Variants in MAGED1 observed in about 807,000 individuals in gnomAD.
MAGED1 encodes MAGE family member D1, also known as melanoma-associated antigen D1.
A neutral mutation model predicts 54.1 loss-of-function variants in MAGED1; 3 were observed. That is an observed-to-expected ratio of 0.06 (90% CI 0.03 to 0.14). The LOEUF is 0.14. Among genes scored for constraint, MAGED1 ranks in the 10% least tolerant of loss-of-function variants. The probability of loss-of-function intolerance (pLI) is 1.00; values close to 1 mark genes in which losing one functional copy is unlikely to be tolerated. For missense variants in MAGED1, 485 were observed against 623.4 expected (o/e 0.78, Z 2.36); for synonymous variants, 217 against 227.3 (o/e 0.95, Z 0.41).
intron 1 of MAGED1, among the ~76,000 whole-genome samples, chrX:51,844,096 A>C (rs1365987625): frequency 2.7e-5 from 3 of 111,738 alleles, no homozygotes; most frequent in African/African-American, 9.8e-5. Context: ...GCACAGAAGG[A>C]AATAAGGAAC....
chrX:51,890,875 T>C (rs782054700), upstream of MAGED1, among the ~76,000 whole-genome samples: 6 of 107,561 alleles, frequency 5.6e-5, no homozygotes, highest in South Asian at 2.1e-3. Flanking sequence ...AGTATGTCAG[T>C]CTTACTCCTG....
rs34476955 is a variant in MAGED1 at position 51,873,534 on chromosome X, T to TGA, written c.-36-20710_-36-20709dup. 8.2e-3 allele frequency among the ~76,000 whole-genome samples: 742 copies of TGA among 89,997 alleles called. 3 individuals are homozygous for TGA. The highest frequency in any genetic ancestry group is 0.046 in the Middle Eastern group (8 of 173). The allele number at this position is 89,997 out of a possible 115,157, so 78.2% of individuals were successfully genotyped here. On this transcript the variant is annotated intron_variant, in intron 1 of 12. Transcript: ENST00000375772. ...TAGACTGTGTGTGTGTGTGTGTGTG[T>TGA]GAGAGAGAGAGAGAGAGAGAGAGAG...
At chrX:51,897,118 CTCTTT>C (rs368149918) in intron 4 of MAGED1, 41 bp downstream of exon 4, 50 of 1,199,851 alleles carry the variant, frequency 4.2e-5, no homozygotes, top group African/African-American at 1.7e-4. Flanking sequence ...CCCTCTCTTG[CTCTTT>C]TCTTTGTCAT....
At chrX:51,841,457 A>G (rs1166888417) in intron 1 of MAGED1, among the ~76,000 whole-genome samples, 1 of 110,431 alleles carries the variant, frequency 9.1e-6, no homozygotes, top group Admixed American at 9.6e-5. Flanking sequence ...CCATTTGTCA[A>G]TTTTGGCTTT....
chrX:51,821,463 T>C (rs1271452584), intron 1 of MAGED1, among the ~76,000 whole-genome samples: 1 of 111,326 alleles, frequency 9.0e-6, no homozygotes, highest in Non-Finnish European at 1.9e-5. Context: ...CAATCTCTGC[T>C]CACTGCAGCC....
intron 1 of MAGED1, among the ~76,000 whole-genome samples, chrX:51,872,024 A>T (rs1221433866): frequency 1.8e-5 from 2 of 112,196 alleles, no homozygotes; most frequent in African/African-American, 6.5e-5. Context: ...TCTGATGGCC[A>T]GTGATGATGA....
At chrX:51,881,841 ATTCT>A (rs1928068761) in intron 1 of MAGED1, among the ~76,000 whole-genome samples, 1 of 110,847 alleles carries the variant, frequency 9.0e-6, no homozygotes. Context: ...TTCCTATTAT[ATTCT>A]TTCTTCTTTT....
chrX:51,885,316 T>C (rs1355241609), intron 1 of MAGED1, among the ~76,000 whole-genome samples: 1 of 112,356 alleles, frequency 8.9e-6, no homozygotes, highest in African/African-American at 3.2e-5. Context: ...ATTTCTCTAA[T>C]GACTAGTGAT....
intron 1 of MAGED1, among the ~76,000 whole-genome samples, chrX:51,830,961 A>C (rs1349810784): frequency 8.9e-6 from 1 of 111,799 alleles, no homozygotes; most frequent in Non-Finnish European, 1.9e-5. Context: ...TCCCTGGTTC[A>C]AGAGATTCTC....
At chrX:51,885,423 C>T (rs1297822781) in intron 1 of MAGED1, among the ~76,000 whole-genome samples, 2 of 110,936 alleles carry the variant, frequency 1.8e-5, no homozygotes, top group African/African-American at 3.3e-5. Context: ...GGAGTATTTG[C>T]GGAGTGTGTA....
At chrX:51,900,554 C>A (rs1181863322) in intron 11 of MAGED1, among the ~76,000 whole-genome samples, 1 of 110,612 alleles carries the variant, frequency 9.0e-6, no homozygotes, top group African/African-American at 3.3e-5. Context: ...CCCAACTTTA[C>A]TAAATTATAA....
At chrX:51,873,534 TGAGAGAGA>T (rs34476955) in intron 1 of MAGED1, among the ~76,000 whole-genome samples, 16 of 90,567 alleles carry the variant, frequency 1.8e-4, no homozygotes, top group African/African-American at 5.8e-4. Flanking sequence ...TGTGTGTGTG[TGAGAGAGA>T]GAGAGAGAGA....
chrX:51,877,008 T>C (rs1370277111), intron 1 of MAGED1, among the ~76,000 whole-genome samples: 1 of 111,322 alleles, frequency 9.0e-6, no homozygotes, highest in Non-Finnish European at 1.9e-5. Flanking sequence ...AGGCTCTAAA[T>C]ATACGTTTCT....
chrX:51,852,202 G>A (rs1557359822), intron 1 of MAGED1, among the ~76,000 whole-genome samples: 1 of 111,451 alleles, frequency 9.0e-6, no homozygotes, highest in Admixed American at 9.5e-5. Context: ...ACTCTGACCT[G>A]CTCCCGTTGC....
At chrX:51,804,708 A>T (rs1488063787) in intron 1 of MAGED1, among the ~76,000 whole-genome samples, 1 of 111,238 alleles carries the variant, frequency 9.0e-6, no homozygotes, top group Non-Finnish European at 1.9e-5. Context: ...ATACATGAAG[A>T]AATAAAAAAG....
intron 1 of MAGED1, among the ~76,000 whole-genome samples, chrX:51,841,472 G>C (rs1488551622): frequency 9.0e-6 from 1 of 110,694 alleles, no homozygotes; most frequent in Non-Finnish European, 1.9e-5. Context: ...GGCTTTTGTT[G>C]CCATTGCTTT....
At chrX:51,817,580 A>G (rs1183753136) in intron 1 of MAGED1, among the ~76,000 whole-genome samples, 1 of 111,934 alleles carries the variant, frequency 8.9e-6, no homozygotes, top group Non-Finnish European at 1.9e-5. Flanking sequence ...CTCATGGGAT[A>G]CCTCCACAGT....
chrX:51,813,468 C>A (rs1925301116), intron 1 of MAGED1, among the ~76,000 whole-genome samples: 3 of 112,023 alleles, frequency 2.7e-5, no homozygotes, highest in African/African-American at 9.8e-5. Flanking sequence ...ATGTAAGAAC[C>A]CTCACTCCTG....
intron 1 of MAGED1, among the ~76,000 whole-genome samples, chrX:51,872,578 G>C (rs1396404247): frequency 2.7e-5 from 3 of 111,768 alleles, no homozygotes; most frequent in Non-Finnish European, 5.6e-5. Context: ...AGTCTTTACA[G>C]TATCTTCTTT....
Sources: allele counts gnomAD v4.1 joint callset (sites outside exome capture counted in the v4.1 genomes callset), GRCh38; gene constraint gnomAD v4.1.1; transcripts MANE v1.5; gene names NCBI Gene and HGNC (gene_info 2026-07-23, HGNC 2026-07-21).